Variants in BBS9 observed in about 807,000 individuals in gnomAD.
The protein encoded by BBS9 is Bardet-Biedl syndrome 9, also known as protein PTHB1.
In BBS9, 89 loss-of-function variants were observed where a neutral mutation model predicts 117.7. That is an observed-to-expected ratio of 0.76 (90% CI 0.64 to 0.90). The LOEUF is 0.90. Among genes scored for constraint, BBS9 ranks in the 40% least tolerant of loss-of-function variants. The pLI is 0.00. For missense variants in BBS9, 982 were observed against 1,042.2 expected, an observed-to-expected ratio of 0.94 and a Z score of 0.80; for synonymous variants, 379 against 370.9, an observed-to-expected ratio of 1.02 and a Z score of -0.25.
rs181890401 is a variant in BBS9 at position 33,446,747 on chromosome 7, G to C, written c.2115+58603G>C. Among the ~76,000 whole-genome samples the C allele has an allele frequency of 4.6e-5, 7 of 152,336 alleles. No homozygotes were observed. The East Asian group carries it at 1.4e-3, about 29-fold the overall frequency. On this transcript the variant is annotated intron_variant, in intron 19 of 22. Transcript: ENST00000242067. ...TATTCACTAACATGCTATGGAGTGA[G>C]TAGTGAGCAATATTAGCGAAAGAAA... is the stretch of plus-strand genomic sequence containing the variant.
chr7:33,222,388 C>G (rs1031932206), intron 5 of BBS9, among the ~76,000 whole-genome samples: 4 of 152,072 alleles, frequency 2.6e-5, no homozygotes, highest in African/African-American at 9.7e-5. Context: ...ATCGTTGGCC[C>G]TGATTTCCTG....
intron 9 of BBS9, among the ~76,000 whole-genome samples, chr7:33,328,957 CT>C (rs1030944799): frequency 1.4e-4 from 21 of 150,528 alleles, no homozygotes; most frequent in Non-Finnish European, 1.8e-4. Flanking sequence ...GAAAATAGAA[CT>C]TTTTTTTTCT....
At chr7:33,404,320 G>A (rs144962506) in intron 19 of BBS9, among the ~76,000 whole-genome samples, 33,046 of 151,872 alleles carry the variant, frequency 0.22, 3,912 homozygotes, top group African/African-American at 0.28. Context: ...TTGACTTGGC[G>A]ATGTGGGCTC....
chr7:33,340,842 A>G, intron 10 of BBS9, 55 bp from the exon 11 acceptor site: 1 of 1,471,186 alleles, frequency 6.8e-7, no homozygotes, highest in Non-Finnish European at 9.4e-7. Flanking sequence ...AAGAAAAACT[A>G]TATATAGAAA....
At chr7:33,229,854 A>T (rs1057111306) in intron 5 of BBS9, among the ~76,000 whole-genome samples, 1 of 152,116 alleles carries the variant, frequency 6.6e-6, no homozygotes, top group African/African-American at 2.4e-5. Context: ...CATAATGGCT[A>T]TATCAATTTA....
At chr7:33,462,185 C>T (rs1178063587) in intron 19 of BBS9, among the ~76,000 whole-genome samples, 2 of 152,040 alleles carry the variant, frequency 1.3e-5, no homozygotes, top group Non-Finnish European at 2.9e-5. Flanking sequence ...TCCTTGTTAG[C>T]TTCTCCTATT....
At chr7:33,321,245 C>T (rs909708768) in intron 9 of BBS9, among the ~76,000 whole-genome samples, 2 of 151,858 alleles carry the variant, frequency 1.3e-5, no homozygotes, top group East Asian at 1.9e-4. Flanking sequence ...ATATAAATCA[C>T]TGGATTTTTT....
At chr7:33,246,286 G>A (rs1795313128) in intron 5 of BBS9, among the ~76,000 whole-genome samples, 1 of 151,182 alleles carries the variant, frequency 6.6e-6, no homozygotes, top group South Asian at 2.1e-4. Flanking sequence ...ATAATTTCCT[G>A]GCTTTAGTTG....
At chr7:33,609,975 G>T (rs888626599), downstream of BBS9, among the ~76,000 whole-genome samples, 4 of 152,034 alleles carry the variant, frequency 2.6e-5, no homozygotes, top group African/African-American at 9.7e-5. Context: ...CCCTTCCAAT[G>T]CCTGCTACAA....
Position 33,534,054 on chromosome 7 carries a change from A to T in BBS9, c.2399A>T (p.Asn800Ile). 6.2e-7 allele frequency: 1 copy of T among 1,614,216 alleles called. No homozygotes were observed. Among genetic ancestry groups the T allele is most frequent in the Non-Finnish European group, 8.5e-7 (1 of 1,180,050 alleles). Reference protein sequence around the residue: ...EQALNLNSQLNIPKDTSQLKK... With the variant: ...EQALNLNSQLIIPKDTSQLKK... Reference sequence around the variant, plus strand: ...GCTTTGAACCTCAACAGCCAGCTGAACATACCCAAAGACACAAGCCAACTG... The same window carrying T: ...GCTTTGAACCTCAACAGCCAGCTGATCATACCCAAAGACACAAGCCAACTG... The change falls in exon 21 of 23, where the codon AAC (asparagine) becomes ATC (isoleucine). Residue 800 changes from asparagine to isoleucine, a missense_variant. Coordinates refer to ENST00000242067, the MANE Select transcript of BBS9 (RefSeq NM_198428.3).
At chr7:33,395,730 G>A (rs1827847931) in intron 19 of BBS9, among the ~76,000 whole-genome samples, 1 of 152,074 alleles carries the variant, frequency 6.6e-6, no homozygotes, top group Non-Finnish European at 1.5e-5. Flanking sequence ...TTATTTGTAT[G>A]GTATTGATAT....
Position 33,232,607 on chromosome 7 carries a change from A to G in BBS9, c.443-24629A>G, listed in dbSNP as rs562865830. ...CTGAATTGTATAAATAATTGTGATA[A>G]CATGTACAAGGATATCTCTGAGATA... is the stretch of plus-strand genomic sequence containing the variant. On this transcript the variant is annotated intron_variant, in intron 5 of 22. Coordinates refer to ENST00000242067, the MANE Select transcript of BBS9 (RefSeq NM_198428.3). 3.9e-5 allele frequency among the ~76,000 whole-genome samples: 6 copies of G among 152,236 alleles called. No individual in the cohort carries two copies. In the East Asian group the frequency reaches 1.2e-3, roughly 29 times the overall value.
chr7:33,594,831 C>T (rs962718442), intron 21 of BBS9, among the ~76,000 whole-genome samples: 3 of 151,998 alleles, frequency 2.0e-5, no homozygotes, highest in African/African-American at 7.3e-5. Context: ...TAAGAATCTC[C>T]TATATATATG....
intron 21 of BBS9, among the ~76,000 whole-genome samples, chr7:33,631,013 G>A (rs1865867309): frequency 6.6e-6 from 1 of 152,134 alleles, no homozygotes; most frequent in Non-Finnish European, 1.5e-5. Flanking sequence ...CCATTCTGAG[G>A]AGTGCTACCG....
intron 21 of BBS9, among the ~76,000 whole-genome samples, chr7:33,564,273 C>T (rs1856535854): frequency 6.6e-6 from 1 of 152,174 alleles, no homozygotes; most frequent in Non-Finnish European, 1.5e-5. Flanking sequence ...TGTAATTCGT[C>T]TTGCATGTTT....
chr7:33,129,407 G>A (rs1450500493), upstream of BBS9: 1 of 307,902 alleles, frequency 3.2e-6, no homozygotes, highest in East Asian at 5.6e-5. Flanking sequence ...CCAGGCCGTG[G>A]TTCACTCGAG....
chr7:33,155,867 A>C (rs1794024353), intron 4 of BBS9, among the ~76,000 whole-genome samples, 165 bp downstream of exon 4: 1 of 152,040 alleles, frequency 6.6e-6, no homozygotes, highest in South Asian at 2.1e-4. Flanking sequence ...ATTCTTTCAG[A>C]TACTTAGGCT....
intron 21 of BBS9, among the ~76,000 whole-genome samples, chr7:33,597,013 A>T (rs770742922): frequency 6.6e-6 from 1 of 151,978 alleles, no homozygotes; most frequent in African/African-American, 2.4e-5. Flanking sequence ...GAAAATTTAT[A>T]CATGTCTATG....
chr7:33,280,273 C>A (rs78649288), intron 9 of BBS9, among the ~76,000 whole-genome samples: 3,726 of 152,174 alleles, frequency 0.024, 142 homozygotes, highest in African/African-American at 0.083. Flanking sequence ...GATTCTGTCA[C>A]CCGGGTAGTC....
Sources: gnomAD v4.1 joint callset for allele counts (sites outside exome capture counted in the v4.1 genomes callset) on GRCh38, gnomAD v4.1.1 for gene constraint, MANE v1.5 for transcripts, NCBI Gene and HGNC (gene_info 2026-07-23, HGNC 2026-07-21) for gene names.